Variants in GCNT2 observed in about 807,000 individuals in gnomAD.
GCNT2 encodes the protein N-acetyllactosaminide beta-1,6-N-acetylglucosaminyl-transferase.
In GCNT2, 34 loss-of-function variants were observed where a neutral mutation model predicts 34.2. The ratio of observed to expected loss-of-function variants is 1.00; its 90% CI spans 0.76 to 1.32. The LOEUF is 1.32. GCNT2 is among the 40% of genes most tolerant of loss of function. The pLI is 0.00. For missense variants in GCNT2, 584 were observed against 489.4 expected (o/e 1.19, Z -1.82); for synonymous variants, 212 against 188.0 (o/e 1.13, Z -1.04).
chr6:10,565,537 C>T (rs1323982885), intron 3 of GCNT2, among the ~76,000 whole-genome samples: 1 of 152,350 alleles, frequency 6.6e-6, no homozygotes, highest in East Asian at 1.9e-4. Context: ...ATTGTCAGTA[C>T]TGCACAAAGC....
intron 3 of GCNT2, among the ~76,000 whole-genome samples, chr6:10,593,319 C>G (rs1764725913): frequency 6.6e-6 from 1 of 152,072 alleles, no homozygotes; most frequent in South Asian, 2.1e-4. Flanking sequence ...ACAGTTTTTT[C>G]TAGAAGCAGG....
chr6:10,584,942 C>A (rs1278050404), intron 3 of GCNT2, among the ~76,000 whole-genome samples: 1 of 151,980 alleles, frequency 6.6e-6, no homozygotes, highest in African/African-American at 2.4e-5. Flanking sequence ...CTGACTCTTT[C>A]ATGTAAAATG....
intron 3 of GCNT2, among the ~76,000 whole-genome samples, chr6:10,574,531 T>C (rs957407802): frequency 7.9e-5 from 12 of 152,248 alleles, no homozygotes; most frequent in Admixed American, 6.5e-4. Flanking sequence ...CACTTCCTCA[T>C]CTGGAAAAAC....
At chr6:10,585,991 T>A (rs751853810) in intron 3 of GCNT2, 2 of 1,614,028 alleles carry the variant, frequency 1.2e-6, no homozygotes, top group Non-Finnish European at 1.7e-6. Context: ...GTGAAAATAA[T>A]GAACTTTTGG....
intron 1 of GCNT2, among the ~76,000 whole-genome samples, chr6:10,524,228 A>G (rs1401446297): frequency 2.0e-5 from 3 of 151,214 alleles, no homozygotes; most frequent in Admixed American, 2.0e-4. Flanking sequence ...GTCCACGGAA[A>G]CTTTCTGACA....
At chr6:10,583,489 G>A (rs1764211700) in intron 3 of GCNT2, among the ~76,000 whole-genome samples, 1 of 152,104 alleles carries the variant, frequency 6.6e-6, no homozygotes, top group African/African-American at 2.4e-5. Flanking sequence ...TCCCTTGGAA[G>A]TGTCCTTACC....
At chr6:10,580,692 A>C (rs1040571225) in intron 3 of GCNT2, among the ~76,000 whole-genome samples, 3 of 151,072 alleles carry the variant, frequency 2.0e-5, no homozygotes, top group African/African-American at 7.3e-5. Flanking sequence ...AGTAGGTCCG[A>C]CTCGGGTTCC....
chr6:10,626,803 A>G lies in GCNT2; in HGVS notation c.*196A>G, dbSNP rs77170997. On this transcript the variant is annotated 3_prime_UTR_variant, in exon 5 of 5. Coordinates refer to ENST00000495262, the MANE Select transcript of GCNT2 (RefSeq NM_145649.5). Reference sequence around the variant, plus strand: ...ACTAACAGGATGGCTGGGTAGAGCAATCTGGGCACTTTGGCCAATTTTAGT... The same window carrying G: ...ACTAACAGGATGGCTGGGTAGAGCAGTCTGGGCACTTTGGCCAATTTTAGT... The G allele has an allele frequency of 4.1e-3, 2,375 of 585,276 alleles. 10 individuals carry two copies. Among genetic ancestry groups the G allele is most frequent in the Non-Finnish European group, 6.2e-3 (2,025 of 327,494 alleles). 36.3% of individuals were successfully genotyped at this position (585,276 alleles called of 1,614,324 possible).
At chr6:10,563,777 A>ATATATAT (rs1338202375) in intron 3 of GCNT2, among the ~76,000 whole-genome samples, 5 of 24,712 alleles carry the variant, frequency 2.0e-4, no homozygotes, top group Non-Finnish European at 3.8e-4. Flanking sequence ...AAAAAAAAAA[A>ATATATAT]ATATATATAT....
At chr6:10,607,347 A>G (rs1457251142) in intron 3 of GCNT2, among the ~76,000 whole-genome samples, 1 of 152,176 alleles carries the variant, frequency 6.6e-6, no homozygotes, top group Non-Finnish European at 1.5e-5. Context: ...AGCATCTCAC[A>G]TGGCTGGAGC....
chr6:10,538,160 C>T (rs141314007), intron 3 of GCNT2, among the ~76,000 whole-genome samples: 12,379 of 151,834 alleles, frequency 0.082, 650 homozygotes, highest in Middle Eastern at 0.14. Context: ...GTAATCCTAG[C>T]ACTTTGGGCA....
intron 3 of GCNT2, among the ~76,000 whole-genome samples, chr6:10,621,124 G>A (rs1766015920): frequency 6.6e-6 from 1 of 152,114 alleles, no homozygotes; most frequent in Admixed American, 6.5e-5. Flanking sequence ...TATATTGATT[G>A]AATTAGATGT....
At chr6:10,581,993 T>C (rs1764087208) in intron 3 of GCNT2, 1 of 263,930 alleles carries the variant, frequency 3.8e-6, no homozygotes, top group Non-Finnish European at 5.7e-6. Context: ...TATATGTATA[T>C]ATAAATATAT....
intron 3 of GCNT2, chr6:10,556,949 T>G: frequency 6.2e-7 from 1 of 1,614,158 alleles, no homozygotes; most frequent in Non-Finnish European, 8.5e-7. Flanking sequence ...CAGAGATCTT[T>G]CTGCCTTCGA....
At chr6:10,534,508 A>G (rs916779411) in intron 3 of GCNT2, among the ~76,000 whole-genome samples, 2 of 152,052 alleles carry the variant, frequency 1.3e-5, no homozygotes, top group Admixed American at 1.3e-4. Context: ...GCCTTGGGTC[A>G]TGCAGCCATT....
chr6:10,542,469 C>T (rs1306741375), intron 3 of GCNT2, among the ~76,000 whole-genome samples: 4 of 152,160 alleles, frequency 2.6e-5, no homozygotes, highest in East Asian at 1.9e-4. Context: ...CCATGATCCC[C>T]GGCTAATGTA....
intron 3 of GCNT2, chr6:10,586,566 C>G (rs1490363082): frequency 6.2e-7 from 1 of 1,613,968 alleles, no homozygotes; most frequent in Admixed American, 1.7e-5. Flanking sequence ...CACCTGTGGA[C>G]AAGACTTCCC....
intron 4 of GCNT2, 26 bp from the exon 5 acceptor site, chr6:10,626,389 ACT>A (rs1561845039): frequency 6.5e-7 from 1 of 1,544,616 alleles, no homozygotes; most frequent in African/African-American, 1.4e-5. Flanking sequence ...GCATGTTTTG[ACT>A]CTGTTTCTTG....
chr6:10,625,147 G>A (rs1292406242), intron 4 of GCNT2, among the ~76,000 whole-genome samples: 1 of 152,014 alleles, frequency 6.6e-6, no homozygotes, highest in Non-Finnish European at 1.5e-5. Flanking sequence ...CTGTCCTTCT[G>A]TACTAGTGTC....
Sources: allele counts gnomAD v4.1 joint callset (sites outside exome capture counted in the v4.1 genomes callset), GRCh38; gene constraint gnomAD v4.1.1; transcripts MANE v1.5; gene names NCBI Gene and HGNC (gene_info 2026-07-23, HGNC 2026-07-21).